ATP8A1: variants seen among roughly 807,000 people sequenced by gnomAD.
ATP8A1 encodes the protein phospholipid-transporting ATPase IA.
In ATP8A1, 90 loss-of-function variants were observed where a neutral mutation model predicts 177.7. That is an observed-to-expected ratio of 0.51 (90% CI 0.43 to 0.60). ATP8A1 has a LOEUF of 0.60. Among genes scored for constraint, ATP8A1 ranks in the 20% least tolerant of loss-of-function variants. ATP8A1 has a pLI of 0.00. For missense variants in ATP8A1, 1,072 were observed against 1,392.8 expected, an observed-to-expected ratio of 0.77 and a Z score of 3.67; for synonymous variants, 493 against 485.9, an observed-to-expected ratio of 1.01 and a Z score of -0.19.
At chr4:42,489,281 A>G (rs141738944) in intron 24 of ATP8A1, among the ~76,000 whole-genome samples, 57 of 152,226 alleles carry the variant, frequency 3.7e-4, no homozygotes, top group African/African-American at 1.2e-3. Context: ...AGTCAAGTAA[A>G]CCCCAGAACT....
At chr4:42,639,028 A>G (rs1250986927) in intron 1 of ATP8A1, among the ~76,000 whole-genome samples, 1 of 152,136 alleles carries the variant, frequency 6.6e-6, no homozygotes, top group Admixed American at 6.5e-5. Flanking sequence ...TGTATTCTGG[A>G]TTTCAGGAGG....
At chr4:42,643,585 C>T (rs1353216149) in intron 1 of ATP8A1, among the ~76,000 whole-genome samples, 1 of 152,136 alleles carries the variant, frequency 6.6e-6, no homozygotes, top group African/African-American at 2.4e-5. Flanking sequence ...CCATCATGTC[C>T]ACTGATGCTT....
At chr4:42,642,947 T>G (rs1018550719) in intron 1 of ATP8A1, among the ~76,000 whole-genome samples, 2 of 152,208 alleles carry the variant, frequency 1.3e-5, no homozygotes, top group Non-Finnish European at 2.9e-5. Context: ...TCCCAGTCAC[T>G]CACCAGATGC....
At chr4:42,567,001 AACT>A (rs1187670023) in intron 15 of ATP8A1, among the ~76,000 whole-genome samples, 1 of 152,226 alleles carries the variant, frequency 6.6e-6, no homozygotes, top group Non-Finnish European at 1.5e-5. Flanking sequence ...CTGATGATGC[AACT>A]ACTATTATTA....
chr4:42,631,750 A>C (rs1738758834), intron 1 of ATP8A1, among the ~76,000 whole-genome samples: 1 of 152,176 alleles, frequency 6.6e-6, no homozygotes, highest in Non-Finnish European at 1.5e-5. Context: ...TTGATATTTA[A>C]TCTTCCAATG....
At chr4:42,420,218 C>A (rs1037016351) in intron 35 of ATP8A1, among the ~76,000 whole-genome samples, 2 of 152,148 alleles carry the variant, frequency 1.3e-5, no homozygotes, top group Non-Finnish European at 2.9e-5. Flanking sequence ...CTCCTCCGGG[C>A]ACCTGCCATC....
rs544145407 is a variant in ATP8A1 at position 42,591,746 on chromosome 4, T to C, written c.451-862A>G. The stretch of plus-strand genomic sequence containing the variant: ...TCTGTTTCATTTCAAAATGAAAGCC[T>C]ACGAAACACAGTAACTTTCAACCAT... On this transcript the variant is annotated intron_variant, in intron 6 of 36. Coordinates refer to ENST00000381668, the MANE Select transcript of ATP8A1 (RefSeq NM_006095.2). Among the ~76,000 whole-genome samples, 16 of 152,308 alleles carry C rather than the reference T, an allele frequency of 1.1e-4. No individual in the cohort carries two copies. The South Asian group carries it at 2.1e-3, about 20-fold the overall frequency.
chr4:42,507,695 A>G (rs1421701756), intron 22 of ATP8A1, among the ~76,000 whole-genome samples: 26 of 132,354 alleles, frequency 2.0e-4, no homozygotes, highest in African/African-American at 6.7e-4. Context: ...GTGCCACTGC[A>G]CTCCAGCCTG....
chr4:42,447,372 G>A (rs1179007722), intron 30 of ATP8A1, among the ~76,000 whole-genome samples: 4 of 151,838 alleles, frequency 2.6e-5, no homozygotes, highest in African/African-American at 7.3e-5. Context: ...TAGTAGAGAC[G>A]GGGTTTCACC....
At chr4:42,653,754 G>A (rs1198337369) in intron 1 of ATP8A1, among the ~76,000 whole-genome samples, 3 of 152,092 alleles carry the variant, frequency 2.0e-5, no homozygotes, top group Non-Finnish European at 2.9e-5. Flanking sequence ...TCAAATATTC[G>A]GTCCTGTGTC....
intron 7 of ATP8A1, 78 bp from the exon 8 acceptor site, chr4:42,588,407 C>T: frequency 1.7e-6 from 2 of 1,180,794 alleles, no homozygotes; most frequent in African/African-American, 1.5e-5. Flanking sequence ...AATGCTCAGA[C>T]TCACTAAAGC....
chr4:42,591,164 T>C (rs567147595), intron 6 of ATP8A1, among the ~76,000 whole-genome samples: 3 of 152,126 alleles, frequency 2.0e-5, no homozygotes, highest in Non-Finnish European at 4.4e-5. Flanking sequence ...CTCATAAGCT[T>C]ATCAAATTAA....
Position 42,601,004 on chromosome 4 carries a change from C to T in ATP8A1, c.410-486G>A, listed in dbSNP as rs79275285. Among the ~76,000 whole-genome samples the T allele has an allele frequency of 7.8e-3, 1,163 of 148,586 alleles. 20 individuals are homozygous for T. The highest frequency in any genetic ancestry group is 0.027 in the African/African-American group (1,101 of 40,476). The stretch of plus-strand genomic sequence containing the variant: ...TATATTAATGCAAAAAAACAAACAG[C>T]GACAAAAAGCAAAAACAACCCAAAT... On this transcript the variant is annotated intron_variant, in intron 5 of 36. Coordinates refer to ENST00000381668, the MANE Select transcript of ATP8A1 (RefSeq NM_006095.2).
At chr4:42,586,150 T>C (rs1037195438) in intron 9 of ATP8A1, among the ~76,000 whole-genome samples, 199 bp downstream of exon 9, 1 of 152,138 alleles carries the variant, frequency 6.6e-6, no homozygotes, top group Admixed American at 6.5e-5. Context: ...CTCTGGGAAG[T>C]CATCAGCTAT....
chr4:42,515,983 AG>A (rs1364874219), intron 22 of ATP8A1, among the ~76,000 whole-genome samples: 20 of 152,234 alleles, frequency 1.3e-4, no homozygotes, highest in African/African-American at 4.6e-4. Flanking sequence ...ATTTGATACC[AG>A]TGCCTTCAAT....
intron 3 of ATP8A1, 195 bp downstream of exon 3, chr4:42,625,419 C>A: frequency 2.3e-6 from 1 of 431,260 alleles, no homozygotes. Flanking sequence ...TATAGAACAC[C>A]CAAAATAAGC....
chr4:42,513,416 G>T (rs755989390), intron 22 of ATP8A1, among the ~76,000 whole-genome samples: 19 of 152,012 alleles, frequency 1.2e-4, no homozygotes, highest in Non-Finnish European at 2.2e-4. Context: ...CAGGAATGAG[G>T]TATCATCTTA....
intron 25 of ATP8A1, among the ~76,000 whole-genome samples, chr4:42,470,204 A>T (rs1044707867): frequency 6.6e-6 from 1 of 152,204 alleles, no homozygotes; most frequent in African/African-American, 2.4e-5. Context: ...GTCCTTTCTG[A>T]TACAACCTAG....
intron 33 of ATP8A1, among the ~76,000 whole-genome samples, chr4:42,433,265 T>C (rs568532277): frequency 2.2e-5 from 3 of 136,742 alleles, no homozygotes; most frequent in Non-Finnish European, 3.2e-5. Flanking sequence ...AAACAACAGC[T>C]TGGGCGTCCA....
Sources: allele counts gnomAD v4.1 joint callset (sites outside exome capture counted in the v4.1 genomes callset), GRCh38; gene constraint gnomAD v4.1.1; transcripts MANE v1.5; gene names NCBI Gene and HGNC (gene_info 2026-07-23, HGNC 2026-07-21).